Variants in SYN3 observed in about 807,000 individuals in gnomAD.
SYN3 encodes synapsin-3.
A neutral mutation model predicts 65.8 loss-of-function variants in SYN3; 35 were observed. That is an observed-to-expected ratio of 0.53 (90% CI 0.41 to 0.70). The LOEUF (loss-of-function observed/expected upper bound fraction) is 0.70, where lower values mean the gene tolerates loss of function less well. Ranked by LOEUF, SYN3 falls within the 30% of genes least tolerant of loss-of-function variation. The pLI, the probability that SYN3 is intolerant of heterozygous loss-of-function variation, is 0.00. For missense variants in SYN3, 680 were observed against 749.0 expected (o/e 0.91, Z 1.08); for synonymous variants, 270 against 292.9 (o/e 0.92, Z 0.80).
At chr22:32,780,260 G>A (rs1021184732) in intron 6 of SYN3, among the ~76,000 whole-genome samples, 3 of 152,004 alleles carry the variant, frequency 2.0e-5, no homozygotes, top group African/African-American at 4.8e-5. Context: ...GGAATTTCAC[G>A]GGCTGAAGCT....
Position 32,831,462 on chromosome 22 carries a change from T to G in SYN3, c.711+33453A>C, listed in dbSNP as rs371359311. ...ATGATCAGGGCAGCGGGGCTGGATTTTCATCTTCATGGCTGTGCACATCTC... is the reference window on the plus strand; with the variant it reads ...ATGATCAGGGCAGCGGGGCTGGATTGTCATCTTCATGGCTGTGCACATCTC... On this transcript the variant is annotated intron_variant, in intron 6 of 13. Transcript: ENST00000358763. Among the ~76,000 whole-genome samples the G allele has an allele frequency of 5.9e-5, 9 of 152,268 alleles. No individual in the cohort carries two copies. In the East Asian group the frequency reaches 1.5e-3, roughly 26 times the overall value.
intron 6 of SYN3, among the ~76,000 whole-genome samples, chr22:32,828,695 C>T (rs1028290964): frequency 6.6e-6 from 1 of 152,170 alleles, no homozygotes; most frequent in South Asian, 2.1e-4. Context: ...CCCAATCCAG[C>T]GGGAGTTCTT....
At chr22:32,556,834 T>TTTTTTTTTTTTTTTTTGTG (rs1569035464) in intron 7 of SYN3, among the ~76,000 whole-genome samples, 1 of 129,292 alleles carries the variant, frequency 7.7e-6, no homozygotes, top group Non-Finnish European at 1.6e-5. Context: ...TTTTTTTTTT[T>TTTTTTTTTTTTTTTTTGTG]TGTGTGTAGA....
intron 7 of SYN3, among the ~76,000 whole-genome samples, chr22:32,585,496 C>T (rs1472078086): frequency 6.6e-6 from 1 of 152,150 alleles, no homozygotes; most frequent in Non-Finnish European, 1.5e-5. Flanking sequence ...ATTGCATTTA[C>T]AGGTTTAAGT....
intron 4 of SYN3, among the ~76,000 whole-genome samples, chr22:32,898,927 C>T (rs1005291431): frequency 6.6e-6 from 1 of 152,036 alleles, no homozygotes; most frequent in Non-Finnish European, 1.5e-5. Context: ...ATGGTGAAAC[C>T]CCATCTCTAC....
chr22:32,880,540 T>C (rs576683521), intron 4 of SYN3, among the ~76,000 whole-genome samples: 1 of 152,220 alleles, frequency 6.6e-6, no homozygotes, highest in South Asian at 2.1e-4. Context: ...TGGTGGGTGG[T>C]GGTGGAGAGG....
chr22:32,796,236 G>C (rs1214191132), intron 6 of SYN3, among the ~76,000 whole-genome samples: 1 of 152,084 alleles, frequency 6.6e-6, no homozygotes, highest in Non-Finnish European at 1.5e-5. Context: ...ACATGCACAT[G>C]AAAACAAGAG....
rs1248509830 is a variant in SYN3, at chr22:32,864,992, T to C, written c.634A>G (p.Ile212Val). ...CSKPWVFSQL[I>V]KIFHSLGPEK... ...GGACCCAGGGAATGGAAGATCTTAA[T>C]GAGCTGAGAGAACTAGGATAGAAGA... Residue 212 changes from isoleucine to valine, a missense_variant, in exon 6 of 14, where the codon ATT (isoleucine) becomes GTT (valine). Coordinates refer to ENST00000358763, the MANE Select transcript of SYN3 (RefSeq NM_003490.4). 8 of 1,613,938 alleles carry C rather than the reference T, an allele frequency of 5.0e-6. No individual in the cohort carries two copies. Among genetic ancestry groups the C allele is most frequent in the Non-Finnish European group, 5.9e-6 (7 of 1,179,806 alleles).
rs993355243 is a variant in SYN3 at position 32,712,685 on chromosome 22, C to T, written c.712-115949G>A. ...AAATACCAGGGCTGGCAGGGCTTGA[C>T]CTCTGTTCATCTGCTCAGTGCCCTC... On this transcript the variant is annotated intron_variant, in intron 6 of 13. Coordinates refer to ENST00000358763, the MANE Select transcript of SYN3 (RefSeq NM_003490.4). 2.4e-4 allele frequency among the ~76,000 whole-genome samples: 36 copies of T among 152,296 alleles called. 1 individual carries two copies. The highest frequency in any genetic ancestry group is 1.8e-3 in the Admixed American group (28 of 15,296).
rs879416613 is a variant in SYN3 at position 32,931,379 on chromosome 22, A to G, written c.461+11T>C. The G allele has an allele frequency of 5.0e-6, 8 of 1,592,926 alleles. No homozygotes were observed. The highest frequency in any genetic ancestry group is 6.0e-6 in the Non-Finnish European group (7 of 1,160,922). The stretch of plus-strand genomic sequence containing the variant: ...TTCTCAGAAGGTTCTGCATATTTTA[A>G]TCCTACTTACCTCACCACTTTGGTC... On this transcript the variant is annotated intron_variant, in intron 4 of 13. Transcript: ENST00000358763.
At chr22:32,599,035 AC>A (rs772029884) in intron 6 of SYN3, among the ~76,000 whole-genome samples, 6 of 152,120 alleles carry the variant, frequency 3.9e-5, no homozygotes, top group Non-Finnish European at 8.8e-5. Context: ...CAGACTGCTA[AC>A]AGTTTTGGTT....
intron 7 of SYN3, among the ~76,000 whole-genome samples, chr22:32,561,719 TTCTTC>T (rs2058589061): frequency 6.6e-6 from 1 of 152,174 alleles, no homozygotes; most frequent in Non-Finnish European, 1.5e-5. Context: ...GACCAGTCCA[TTCTTC>T]TCTTCTTTCT....
chr22:32,624,150 T>C (rs1031795330), intron 6 of SYN3, among the ~76,000 whole-genome samples: 10 of 152,236 alleles, frequency 6.6e-5, no homozygotes, highest in Admixed American at 5.9e-4. Context: ...ATGGGGACAG[T>C]GACATCATCG....
At chr22:32,904,391 G>A (rs550195665) in intron 4 of SYN3, among the ~76,000 whole-genome samples, 7 of 152,322 alleles carry the variant, frequency 4.6e-5, no homozygotes, top group African/African-American at 1.4e-4. Flanking sequence ...AGTACCTAGC[G>A]ATGGTGGAGT....
chr22:32,807,361 TA>T (rs5845034), intron 6 of SYN3, among the ~76,000 whole-genome samples: 1 of 110,946 alleles, frequency 9.0e-6, no homozygotes, highest in Non-Finnish European at 1.7e-5. Flanking sequence ...ATATAATATA[TA>T]ATATATATTA....
intron 6 of SYN3, among the ~76,000 whole-genome samples, chr22:32,755,914 C>G (rs950380555): frequency 8.5e-5 from 13 of 152,224 alleles, no homozygotes; most frequent in Non-Finnish European, 1.6e-4. Flanking sequence ...AGTCCACGTC[C>G]TTTACAGGGA....
chr22:32,917,577 T>G (rs1034903387), intron 4 of SYN3, among the ~76,000 whole-genome samples: 1 of 151,426 alleles, frequency 6.6e-6, no homozygotes, highest in African/African-American at 2.4e-5. Flanking sequence ...TCTTGGGGGG[T>G]GGTGGAGTGG....
intron 2 of SYN3, among the ~76,000 whole-genome samples, chr22:32,997,784 T>C (rs917961764): frequency 9.2e-5 from 14 of 151,890 alleles, no homozygotes; most frequent in African/African-American, 3.4e-4. Context: ...CCCAGCACGT[T>C]GGGAGGCCGA....
chr22:32,896,367 A>G (rs2146501530), intron 4 of SYN3, among the ~76,000 whole-genome samples: 1 of 152,226 alleles, frequency 6.6e-6, no homozygotes, highest in East Asian at 1.9e-4. Flanking sequence ...GAGGCAGGAG[A>G]ATCACTTGAA....
Sources: gnomAD v4.1 joint callset for allele counts (sites outside exome capture counted in the v4.1 genomes callset) on GRCh38, gnomAD v4.1.1 for gene constraint, MANE v1.5 for transcripts, NCBI Gene and HGNC (gene_info 2026-07-23, HGNC 2026-07-21) for gene names.